SCFD2: variants seen among roughly 807,000 people sequenced by gnomAD.
SCFD2 encodes the protein sec1 family domain containing 2.
Under a neutral mutation model 58.9 loss-of-function variants are expected in SCFD2, and 54 were observed. The observed-to-expected ratio is 0.92, with a 90% CI of 0.74 to 1.15. SCFD2 has a LOEUF of 1.15. SCFD2 is among the 50% of genes most tolerant of loss of function. The probability of loss-of-function intolerance (pLI) is 0.00; values close to 1 mark genes in which losing one functional copy is unlikely to be tolerated. For missense variants in SCFD2, 805 were observed against 836.6 expected, an observed-to-expected ratio of 0.96 and a Z score of 0.47; for synonymous variants, 321 against 335.9, an observed-to-expected ratio of 0.96 and a Z score of 0.49.
chr4:53,229,151 C>T (rs1011925475), intron 4 of SCFD2, among the ~76,000 whole-genome samples: 1 of 152,178 alleles, frequency 6.6e-6, no homozygotes, highest in Non-Finnish European at 1.5e-5. Flanking sequence ...ACATCCCATG[C>T]TCATGGCTAG....
chr4:52,964,689 G>GACAA (rs1720921432), intron 5 of SCFD2, among the ~76,000 whole-genome samples: 1 of 149,208 alleles, frequency 6.7e-6, no homozygotes, highest in Admixed American at 6.7e-5. Context: ...AAATGTGAGG[G>GACAA]ACACACACAC....
chr4:52,995,852 G>A (rs1721731052), intron 5 of SCFD2, among the ~76,000 whole-genome samples: 1 of 152,062 alleles, frequency 6.6e-6, no homozygotes. Flanking sequence ...GAGGTCTGAG[G>A]GTGCCCTATT....
At chr4:53,363,147 CT>C (rs145545908) in intron 1 of SCFD2, among the ~76,000 whole-genome samples, 17,228 of 146,552 alleles carry the variant, frequency 0.12, 1,019 homozygotes, top group East Asian at 0.16. Flanking sequence ...TTTTTTTTTT[CT>C]TTTTTGAGAC....
chr4:53,299,181 A>C (rs1272412953), intron 3 of SCFD2, among the ~76,000 whole-genome samples: 1 of 152,224 alleles, frequency 6.6e-6, no homozygotes, highest in Non-Finnish European at 1.5e-5. Flanking sequence ...AATGGCAAAG[A>C]AGTTAAAAAC....
chr4:52,893,218 C>A (rs571399478), intron 7 of SCFD2, among the ~76,000 whole-genome samples: 102 of 152,138 alleles, frequency 6.7e-4, no homozygotes, highest in African/African-American at 2.3e-3. Flanking sequence ...CCCTTTCTTT[C>A]TTTTCTTTCC....
chr4:53,014,125 T>C (rs1202505672), intron 5 of SCFD2, among the ~76,000 whole-genome samples: 5 of 152,188 alleles, frequency 3.3e-5, no homozygotes, highest in Non-Finnish European at 7.4e-5. Context: ...TGGGTGGACC[T>C]GTTTACATTA....
Position 53,212,563 on chromosome 4 carries a change from A to G in SCFD2, c.1311+61263T>C, listed in dbSNP as rs976575775. On this transcript the variant is annotated intron_variant, in intron 4 of 8. Coordinates refer to ENST00000401642, the MANE Select transcript of SCFD2 (RefSeq NM_152540.4). ...TAAGGAGATGGTAAGAGAGAGAGGA[A>G]GAAAGTGAGCACGTGTGTGTGTGTG... Among the ~76,000 whole-genome samples, 4 of 132,794 alleles carry G rather than the reference A, an allele frequency of 3.0e-5. No individual in the cohort carries two copies. The Admixed American group carries it at 3.2e-4, about 11-fold the overall frequency. The allele number at this position is 132,794 out of a possible 152,430, so 87.1% of individuals were successfully genotyped here. A position where few individuals can be genotyped will look rare whatever the true frequency, so the allele number is the denominator to read the frequency against.
chr4:53,328,121 C>T (rs1733271576), intron 2 of SCFD2, among the ~76,000 whole-genome samples: 1 of 144,776 alleles, frequency 6.9e-6, no homozygotes, highest in African/African-American at 2.6e-5. Flanking sequence ...GGTGACAGAG[C>T]GAGACTCTGT....
intron 5 of SCFD2, among the ~76,000 whole-genome samples, chr4:52,943,841 T>C (rs1720353048): frequency 6.6e-6 from 1 of 152,264 alleles, no homozygotes; most frequent in East Asian, 1.9e-4. Flanking sequence ...CTTCTTCTTC[T>C]CCCAACCCTT....
chr4:52,896,958 G>C (rs1027643588), intron 7 of SCFD2, among the ~76,000 whole-genome samples: 2 of 152,124 alleles, frequency 1.3e-5, no homozygotes, highest in Non-Finnish European at 2.9e-5. Flanking sequence ...TTGGCTCTCT[G>C]TCTGTTATTG....
intron 2 of SCFD2, among the ~76,000 whole-genome samples, chr4:53,317,106 C>CA (rs71662216): frequency 0.072 from 7,185 of 99,232 alleles, 419 homozygotes; most frequent in African/African-American, 0.19. Flanking sequence ...GACTCCATGT[C>CA]AAAAAAAAAA....
At chr4:53,157,732 G>C (rs1156556692) in intron 4 of SCFD2, among the ~76,000 whole-genome samples, 2 of 151,898 alleles carry the variant, frequency 1.3e-5, no homozygotes, top group African/African-American at 2.4e-5. Flanking sequence ...ATTTCTAACA[G>C]AGTCAATATC....
chr4:53,135,473 C>T (rs1200646888), intron 5 of SCFD2, among the ~76,000 whole-genome samples: 3 of 152,186 alleles, frequency 2.0e-5, no homozygotes, highest in African/African-American at 7.2e-5. Flanking sequence ...TGGTGGCTCA[C>T]GCCTATAATC....
At chr4:53,193,440 C>T (rs939881085) in intron 4 of SCFD2, among the ~76,000 whole-genome samples, 4 of 152,240 alleles carry the variant, frequency 2.6e-5, no homozygotes, top group Admixed American at 1.3e-4. Context: ...CTTGAGGCAT[C>T]GTGTCACTAC....
intron 4 of SCFD2, among the ~76,000 whole-genome samples, chr4:53,267,441 T>C (rs1365992185): frequency 6.6e-6 from 1 of 152,220 alleles, no homozygotes; most frequent in Non-Finnish European, 1.5e-5. Flanking sequence ...GTTTATACAT[T>C]CGCCTATGCT....
chr4:53,031,319 G>A (rs142664571), intron 5 of SCFD2, among the ~76,000 whole-genome samples: 1 of 152,302 alleles, frequency 6.6e-6, no homozygotes, highest in Non-Finnish European at 1.5e-5. Flanking sequence ...GTGCAAAAAG[G>A]ATGAAAATTC....
chr4:53,331,690 G>C (rs1358342579), intron 2 of SCFD2, among the ~76,000 whole-genome samples: 7 of 152,254 alleles, frequency 4.6e-5, no homozygotes, highest in Middle Eastern at 3.4e-3. Context: ...AAAAGAACTA[G>C]AGAAGCAAGA....
intron 4 of SCFD2, among the ~76,000 whole-genome samples, chr4:53,179,241 A>G (rs1242062240): frequency 6.6e-6 from 1 of 152,222 alleles, no homozygotes; most frequent in Non-Finnish European, 1.5e-5. Flanking sequence ...TGTTAAGGGC[A>G]GCCAGAGAGA....
At chr4:52,917,633 T>A (rs957786604) in intron 6 of SCFD2, among the ~76,000 whole-genome samples, 13 of 152,234 alleles carry the variant, frequency 8.5e-5, no homozygotes, top group Admixed American at 7.8e-4. Context: ...TTGATCCCCA[T>A]TGCCCCCACT....
Sources: gnomAD v4.1 joint callset for allele counts (sites outside exome capture counted in the v4.1 genomes callset) on GRCh38, gnomAD v4.1.1 for gene constraint, MANE v1.5 for transcripts, NCBI Gene and HGNC (gene_info 2026-07-23, HGNC 2026-07-21) for gene names.